The following GLIS1 variants were observed in gnomAD, a reference collection of about 807,000 sequenced individuals.
GLIS1 encodes zinc finger protein GLIS1.
Under a neutral mutation model 63.8 loss-of-function variants are expected in GLIS1, and 24 were observed. The observed-to-expected ratio is 0.38, with a 90% confidence interval of 0.27 to 0.53. The LOEUF (loss-of-function observed/expected upper bound fraction) is 0.53, where lower values mean the gene tolerates loss of function less well. Among genes scored for constraint, GLIS1 ranks in the 20% least tolerant of loss-of-function variants. The pLI is 0.85. For missense variants in GLIS1, 1,036 were observed against 1,074.1 expected, an observed-to-expected ratio of 0.96 and a Z score of 0.50; for synonymous variants, 450 against 482.5, an observed-to-expected ratio of 0.93 and a Z score of 0.88.
chr1:53,564,613 A>G (rs1240285641), intron 4 of GLIS1, among the ~76,000 whole-genome samples: 8 of 152,142 alleles, frequency 5.3e-5, no homozygotes, highest in Non-Finnish European at 1.0e-4. Flanking sequence ...AAACATAAGG[A>G]AAAACATACC....
chr1:53,727,763 G>T (rs1166349260), intron 2 of GLIS1, among the ~76,000 whole-genome samples: 1 of 152,160 alleles, frequency 6.6e-6, no homozygotes, highest in East Asian at 1.9e-4. Flanking sequence ...ACTCCCCCAG[G>T]GTCACTAGCA....
intron 4 of GLIS1, among the ~76,000 whole-genome samples, chr1:53,562,733 A>G (rs191978449): frequency 4.6e-5 from 7 of 152,276 alleles, no homozygotes; most frequent in Non-Finnish European, 2.9e-5. Flanking sequence ...AATCTTAACC[A>G]CTAGAAACCT....
Position 53,529,820 on chromosome 1 carries a change from C to T in GLIS1, c.1453G>A (p.Ala485Thr), listed in dbSNP as rs1162049796. The change falls in exon 5 of 11, where the codon GCC (alanine) becomes ACC (threonine). Residue 485 changes from alanine to threonine, a missense_variant. By Grantham distance (58) the Ala-to-Thr change is moderately conservative (BLOSUM62 0). This residue lies in a region of GLIS1 where 44 missense variants were observed against 79.3 expected (regional missense o/e 0.55). Coordinates refer to ENST00000628545, the MANE Select transcript of GLIS1 (RefSeq NM_001367484.1). ...TCTAGGTGGGTGCGCTGGTGCTTGG[C>T]GCGGTCGCTGGAGTTGCTGAAGGCC... is the stretch of plus-strand genomic sequence containing the variant. ...QKAFSNSSDRAKHQRTHLDTK... is the reference protein window; with the variant it reads ...QKAFSNSSDRTKHQRTHLDTK... 3.7e-6 allele frequency: 6 copies of T among 1,613,006 alleles called. No individual in the cohort carries two copies. Among genetic ancestry groups the T allele is most frequent in the African/African-American group, 2.7e-5 (2 of 74,908 alleles).
At chr1:53,562,516 G>A (rs1422764537) in intron 4 of GLIS1, among the ~76,000 whole-genome samples, 2 of 152,038 alleles carry the variant, frequency 1.3e-5, no homozygotes, top group African/African-American at 2.4e-5. Context: ...GACCACAGCC[G>A]AACTGGCTCA....
rs187947182 is a variant in GLIS1, at chr1:53,622,911, A to C, written c.260-22633T>G. Reference sequence around the variant, plus strand: ...CAGGAAATACATGCTTTTTAAAAAAATTATTCTTTGCCATTTTCTGTTTTA... The same window carrying C: ...CAGGAAATACATGCTTTTTAAAAAACTTATTCTTTGCCATTTTCTGTTTTA... On this transcript the variant is annotated intron_variant, in intron 2 of 10. Transcript: ENST00000628545. 2.6e-5 allele frequency among the ~76,000 whole-genome samples: 4 copies of C among 152,246 alleles called. No homozygotes were observed. The East Asian group carries it at 7.7e-4, about 29-fold the overall frequency.
chr1:53,656,342 C>A (rs1645965505), intron 2 of GLIS1, among the ~76,000 whole-genome samples: 1 of 152,206 alleles, frequency 6.6e-6, no homozygotes, highest in East Asian at 1.9e-4. Flanking sequence ...TCACCTGAGA[C>A]CTCCTCCTGG....
At chr1:53,543,386 G>A (rs1279287113) in intron 4 of GLIS1, among the ~76,000 whole-genome samples, 4 of 152,182 alleles carry the variant, frequency 2.6e-5, no homozygotes, top group South Asian at 4.1e-4. Context: ...AGGTGCCACC[G>A]TAATCGCCTT....
intron 3 of GLIS1, among the ~76,000 whole-genome samples, chr1:53,599,138 C>A (rs769528544): frequency 6.6e-6 from 1 of 152,190 alleles, no homozygotes; most frequent in African/African-American, 2.4e-5. Flanking sequence ...CTGTGACTGA[C>A]CTGGCTGTCA....
At chr1:53,529,309 G>A (rs879477344) in intron 5 of GLIS1, among the ~76,000 whole-genome samples, 7 of 152,184 alleles carry the variant, frequency 4.6e-5, no homozygotes, top group African/African-American at 9.6e-5. Flanking sequence ...AGGGCTCAAC[G>A]GACAAAAGAC....
intron 2 of GLIS1, among the ~76,000 whole-genome samples, chr1:53,736,261 C>A (rs1054026028): frequency 6.6e-6 from 1 of 152,068 alleles, no homozygotes; most frequent in African/African-American, 2.4e-5. Flanking sequence ...TGGGGGCGTG[C>A]GTAAAAATAA....
chr1:53,606,531 G>A (rs181360173), intron 2 of GLIS1, among the ~76,000 whole-genome samples: 5 of 152,270 alleles, frequency 3.3e-5, no homozygotes, highest in East Asian at 3.9e-4. Flanking sequence ...GACAGAGCCC[G>A]AGCAGCGTTC....
intron 4 of GLIS1, among the ~76,000 whole-genome samples, chr1:53,552,148 CACTG>C (rs1331559868): frequency 6.6e-6 from 1 of 152,174 alleles, no homozygotes; most frequent in Non-Finnish European, 1.5e-5. Context: ...ACCACACACA[CACTG>C]ACTGTCACAG....
intron 5 of GLIS1, among the ~76,000 whole-genome samples, chr1:53,528,785 G>A (rs1644497434): frequency 6.6e-6 from 1 of 152,100 alleles, no homozygotes; most frequent in African/African-American, 2.4e-5. Context: ...CGGGCTGGGG[G>A]GCAGCCACCC....
At chr1:53,573,942 C>T (rs191843336) in intron 4 of GLIS1, among the ~76,000 whole-genome samples, 1 of 152,356 alleles carries the variant, frequency 6.6e-6, no homozygotes, top group East Asian at 1.9e-4. Flanking sequence ...ACACTCAGGG[C>T]ATCCTTTCTG....
chr1:53,526,972 T>G lies in GLIS1; in HGVS notation c.1483-2085A>C, dbSNP rs1316765489. Among the ~76,000 whole-genome samples the G allele has an allele frequency of 6.6e-6, 1 of 152,174 alleles. No homozygotes were observed. The highest frequency in any genetic ancestry group is 1.5e-5 in the Non-Finnish European group (1 of 68,030). On this transcript the variant is annotated intron_variant, in intron 5 of 10. Coordinates refer to ENST00000628545, the MANE Select transcript of GLIS1 (RefSeq NM_001367484.1). This position sits in a 1 kb window ranked among gnomAD's most constrained non-coding sequence, Gnocchi z 4.4. ...GAGGACGCTCCGGGTGAGTCTGCCG[T>G]GCGGAGCCCCTGCCCGTCTGCACTT...
At chr1:53,552,554 T>C (rs545177217) in intron 4 of GLIS1, among the ~76,000 whole-genome samples, 2 of 152,368 alleles carry the variant, frequency 1.3e-5, no homozygotes, top group African/African-American at 4.8e-5. Context: ...CCTCTGGTTT[T>C]CCTCTGGGGT....
rs895178883 is a variant in GLIS1, at chr1:53,598,086, C to T, written c.437+2015G>A. ...AATGCACGGCTCAAAAACTATAAGACGCTTGCTCCTTGCTATGGACTGATT... is the reference window on the plus strand; with the variant it reads ...AATGCACGGCTCAAAAACTATAAGATGCTTGCTCCTTGCTATGGACTGATT... On this transcript the variant is annotated intron_variant, in intron 3 of 10. Coordinates refer to ENST00000628545, the MANE Select transcript of GLIS1 (RefSeq NM_001367484.1). This position sits in a 1 kb window ranked among gnomAD's most constrained non-coding sequence, Gnocchi z 4.6. 2.6e-5 allele frequency among the ~76,000 whole-genome samples: 4 copies of T among 152,162 alleles called. No individual in the cohort carries two copies. Among genetic ancestry groups the T allele is most frequent in the African/African-American group, 7.2e-5 (3 of 41,442 alleles).
intron 2 of GLIS1, among the ~76,000 whole-genome samples, chr1:53,607,765 G>A (rs989512835): frequency 9.2e-5 from 14 of 152,172 alleles, no homozygotes; most frequent in African/African-American, 2.2e-4. Context: ...CATAGACTAG[G>A]TGGCTTAAAC....
chr1:53,557,703 A>T (rs145967558), intron 4 of GLIS1, among the ~76,000 whole-genome samples: 1 of 152,194 alleles, frequency 6.6e-6, no homozygotes. Flanking sequence ...CTCCAATTAC[A>T]TTTCTGAATA....
Sources: allele counts gnomAD v4.1 joint callset (sites outside exome capture counted in the v4.1 genomes callset), GRCh38; gene constraint gnomAD v4.1.1; regional missense constraint gnomAD v4.1.1; non-coding constraint Gnocchi (gnomAD v3.1); transcripts MANE v1.5; gene names NCBI Gene and HGNC (gene_info 2026-07-23, HGNC 2026-07-21).